The following LRR1 variants were observed in gnomAD, a reference collection of about 807,000 sequenced individuals.
LRR1 encodes the protein leucine rich repeat protein 1.
In LRR1, 29 loss-of-function variants were observed where a neutral mutation model predicts 31.6. That is an observed-to-expected ratio of 0.92 (90% CI 0.68 to 1.25). LRR1 has a LOEUF of 1.25. Among genes scored for constraint, LRR1 ranks in the 50% most tolerant of loss-of-function variants. The pLI is 0.00. For missense variants in LRR1, 485 were observed against 487.2 expected (o/e 1.00, Z 0.04); for synonymous variants, 179 against 181.4 (o/e 0.99, Z 0.10).
chr14:49,605,597 T>TAAATACC (rs1370182623), intron 2 of LRR1, among the ~76,000 whole-genome samples: 1 of 152,228 alleles, frequency 6.6e-6, no homozygotes, highest in Non-Finnish European at 1.5e-5. Flanking sequence ...TAAAACTCTT[T>TAAATACC]CTTTTCTTGG....
At position 49,607,424 on chromosome 14, in the gene LRR1, T is replaced by C. The variant is rs1307568557; in HGVS notation, c.307T>C (p.Phe103Leu). 6.3e-7 allele frequency: 1 copy of C among 1,579,228 alleles called. No individual in the cohort carries two copies. Among genetic ancestry groups the C allele is most frequent in the African/African-American group, 1.4e-5 (1 of 72,914 alleles). The part of the protein sequence containing the change: ...SKAISSSLKG[F>L]LSAMRLAHRG... ...GGCCATTTCCAGCAGTTTAAAAGGT[T>C]TCCTTTCAGCTATGAGACTGGCTCA... The change falls in exon 3 of 4, where the codon TTC (phenylalanine) becomes CTC (leucine). Residue 103 changes from phenylalanine (F) to leucine (L), a missense_variant. Phe to Leu is a conservative substitution (Grantham distance 22). This residue lies in a region of LRR1 where 260 missense variants were observed against 249.6 expected (regional missense o/e 1.04). Transcript: ENST00000298288.
At position 49,605,180 on chromosome 14, in the gene LRR1, C is replaced by G. The variant is rs1363844235; in HGVS notation, c.283-2220C>G. ...AAAGTGGTGAAATTACAGGCATGGTCCACCACATCTGGCCCAACTGTGCAT... is the reference window on the plus strand; with the variant it reads ...AAAGTGGTGAAATTACAGGCATGGTGCACCACATCTGGCCCAACTGTGCAT... On this transcript the variant is annotated intron_variant, in intron 2 of 3. Transcript: ENST00000298288. Among the ~76,000 whole-genome samples, 3 of 152,286 alleles carry G rather than the reference C, an allele frequency of 2.0e-5. No homozygotes were observed. The East Asian group carries it at 5.8e-4, about 29-fold the overall frequency.
chr14:49,604,380 GC>G (rs1882207373), intron 2 of LRR1, among the ~76,000 whole-genome samples: 1 of 152,004 alleles, frequency 6.6e-6, no homozygotes, highest in African/African-American at 2.4e-5. Context: ...GGAGGCCGAG[GC>G]AGGAGGATCA....
At chr14:49,609,784 A>G (rs906469070) in intron 3 of LRR1, among the ~76,000 whole-genome samples, 7 of 151,282 alleles carry the variant, frequency 4.6e-5, no homozygotes, top group African/African-American at 1.7e-4. Flanking sequence ...CGGCTCAACT[A>G]TAACCTCTGC....
Position 49,614,623 on chromosome 14 carries a change from T to TA in LRR1, c.*128dup. 7.6e-7 allele frequency: 1 copy of TA among 1,316,792 alleles called. No homozygotes were observed. The highest frequency in any genetic ancestry group is 1.1e-6 in the Non-Finnish European group (1 of 927,274). 81.6% of individuals were successfully genotyped at this position (1,316,792 alleles called of 1,614,324 possible). ...GCTGGAGAGGAGGAATGTGTATAGT[T>TA]ACTCATTTAGATGACTCCAAAACTT... On this transcript the variant is annotated 3_prime_UTR_variant, in exon 4 of 4. Coordinates refer to ENST00000298288, the MANE Select transcript of LRR1 (RefSeq NM_152329.4).
intron 3 of LRR1, among the ~76,000 whole-genome samples, chr14:49,608,787 A>G (rs1351523645): frequency 1.3e-5 from 2 of 151,916 alleles, no homozygotes; most frequent in Admixed American, 6.6e-5. Flanking sequence ...GAGTCTTCCA[A>G]GTGATTTTGA....
At chr14:49,603,637 G>GCCTCA in intron 2 of LRR1, 1 of 1,034,944 alleles carries the variant, frequency 9.7e-7, no homozygotes, top group Non-Finnish European at 1.2e-6. Context: ...CACCACTCCT[G>GCCTCA]GCGAATTTTT....
intron 1 of LRR1, among the ~76,000 whole-genome samples, 162 bp downstream of exon 1, chr14:49,599,365 G>T (rs1881946521): frequency 6.6e-6 from 1 of 152,226 alleles, no homozygotes; most frequent in Non-Finnish European, 1.5e-5. Flanking sequence ...CGACCCCAGG[G>T]TCCTGTGCGT....
chr14:49,612,179 T>C (rs779224645), intron 3 of LRR1, among the ~76,000 whole-genome samples: 47 of 152,244 alleles, frequency 3.1e-4, no homozygotes, highest in Non-Finnish European at 5.3e-4. Flanking sequence ...CTGAATGATT[T>C]CGCGTTATAG....
Position 49,607,871 on chromosome 14 carries a change from A to G in LRR1, c.754A>G (p.Lys252Glu). The G allele has an allele frequency of 6.2e-7, 1 of 1,613,384 alleles. No individual in the cohort carries two copies. Among genetic ancestry groups the G allele is most frequent in the South Asian group, 1.1e-5 (1 of 91,060 alleles). ...GCAGTTTTGCCAGCTCCAGGAACTT[A>G]AGAATTTAAAACTTGACGATAATGA... ...PVQFCQLQEL[K>E]NLKLDDNELI... The change falls in exon 3 of 4, where the codon AAG (lysine) becomes GAG (glutamate). Residue 252 changes from lysine (K) to glutamate (E), a missense_variant. Physicochemically the swap from Lys to Glu is moderately conservative, Grantham distance 56 (BLOSUM62 1). This residue lies in a region of LRR1 where 210 missense variants were observed against 200.4 expected (regional missense o/e 1.05). Coordinates refer to ENST00000298288, the MANE Select transcript of LRR1 (RefSeq NM_152329.4).
chr14:49,601,400 G>C, intron 1 of LRR1: 1 of 501,804 alleles, frequency 2.0e-6, no homozygotes, highest in Non-Finnish European at 3.6e-6. Context: ...TACATAGTGG[G>C]TTCTGAATCA....
At chr14:49,609,807 A>G (rs1882446814) in intron 3 of LRR1, among the ~76,000 whole-genome samples, 1 of 152,010 alleles carries the variant, frequency 6.6e-6, no homozygotes. Context: ...CCCGAGTTCC[A>G]GGAGTTCTCC....
Position 49,614,655 on chromosome 14 carries a change from A to T in LRR1, c.*159A>T, listed in dbSNP as rs1430164625. ...TTAGATGACTCCAAAACTTTTATTA[A>T]AACCAATTTTAGTTTTACTGTGGTG... On this transcript the variant is annotated 3_prime_UTR_variant, in exon 4 of 4. Coordinates refer to ENST00000298288, the MANE Select transcript of LRR1 (RefSeq NM_152329.4). 1 of 990,582 alleles carries T rather than the reference A, an allele frequency of 1.0e-6. No homozygotes were observed. Among genetic ancestry groups the T allele is most frequent in the South Asian group, 1.4e-5 (1 of 70,228 alleles). The allele number at this position is 990,582 out of a possible 1,614,324, so 61.4% of individuals were successfully genotyped here.
At chr14:49,604,478 T>C (rs1882211374) in intron 2 of LRR1, among the ~76,000 whole-genome samples, 1 of 152,140 alleles carries the variant, frequency 6.6e-6, no homozygotes, top group Non-Finnish European at 1.5e-5. Flanking sequence ...GTTGGGCGGA[T>C]TGCTTGAATC....
intron 3 of LRR1, among the ~76,000 whole-genome samples, chr14:49,611,515 G>A (rs1233725981): frequency 6.6e-6 from 1 of 152,168 alleles, no homozygotes; most frequent in Non-Finnish European, 1.5e-5. Flanking sequence ...CACCAGAGGT[G>A]ATACTGATGA....
Position 49,599,077 on chromosome 14 carries a change from T to C in LRR1, c.57T>C (p.Leu19=), listed in dbSNP as rs375504177. The change falls in exon 1 of 4, where the codon CTT becomes CTC. Residue 19 remains leucine (L), a synonymous_variant. Transcript: ENST00000298288. ...VISRHLPALG[L]RNRGKGVRAV... is the part of the protein sequence containing the mutation. Reference sequence around the variant, plus strand: ...GCCGGCACTTGCCCGCCTTGGGGCTTAGGAACCGGGGCAAGGGCGTCCGAG... The same window carrying C: ...GCCGGCACTTGCCCGCCTTGGGGCTCAGGAACCGGGGCAAGGGCGTCCGAG... The C allele has an allele frequency of 4.5e-5, 72 of 1,609,532 alleles. No individual in the cohort carries two copies. The highest frequency in any genetic ancestry group is 1.2e-4 in the Admixed American group (7 of 59,274).
At position 49,609,464 on chromosome 14, in the gene LRR1, G is replaced by A. The variant is rs977489917; in HGVS notation, c.1004+1343G>A. Reference sequence around the variant, plus strand: ...GTGTCACCCAGGCTGGAGTGCAGTGGCGCCATCTCGGCTCACTGCAACCTC... The same window carrying A: ...GTGTCACCCAGGCTGGAGTGCAGTGACGCCATCTCGGCTCACTGCAACCTC... On this transcript the variant is annotated intron_variant, in intron 3 of 3. Transcript: ENST00000298288. 2.7e-4 allele frequency among the ~76,000 whole-genome samples: 41 copies of A among 151,770 alleles called. 1 individual carries two copies. Among genetic ancestry groups the A allele is most frequent in the Non-Finnish European group, 5.0e-4 (34 of 67,882 alleles).
In LRR1 at chr14:49,601,487, A is replaced by G. The variant is rs566615156; in HGVS notation, c.184-883A>G. 1.7e-5 allele frequency: 10 copies of G among 600,268 alleles called. No homozygotes were observed. In the Admixed American group the frequency reaches 2.1e-4, roughly 13 times the overall value. 37.2% of individuals were successfully genotyped at this position (600,268 alleles called of 1,614,324 possible). On this transcript the variant is annotated intron_variant, in intron 1 of 3. Coordinates refer to ENST00000298288, the MANE Select transcript of LRR1 (RefSeq NM_152329.4). ...AATTTTAAATATGCCATTTATATAG[A>G]TGATAATCATTAAATTTTTTTTGAG... is the stretch of plus-strand genomic sequence containing the variant.
At chr14:49,605,965 T>G (rs2139541831) in intron 2 of LRR1, among the ~76,000 whole-genome samples, 1 of 152,268 alleles carries the variant, frequency 6.6e-6, no homozygotes, top group Middle Eastern at 3.4e-3. Flanking sequence ...TCTGTCCTCA[T>G]ACTGTATTTC....
Sources: allele counts gnomAD v4.1 joint callset (sites outside exome capture counted in the v4.1 genomes callset), GRCh38; gene constraint gnomAD v4.1.1; regional missense constraint gnomAD v4.1.1; transcripts MANE v1.5; gene names NCBI Gene and HGNC (gene_info 2026-07-23, HGNC 2026-07-21).